LIMCH1: variants seen among roughly 807,000 people sequenced by gnomAD.
LIMCH1 encodes the protein LIM and calponin homology domains-containing protein 1.
Under a neutral mutation model 176.5 loss-of-function variants are expected in LIMCH1, and 113 were observed. That is an observed-to-expected ratio of 0.64 (90% CI 0.55 to 0.75). The LOEUF (loss-of-function observed/expected upper bound fraction) is 0.75. Among genes scored for constraint, LIMCH1 ranks in the 30% least tolerant of loss-of-function variants. The pLI, the probability that LIMCH1 is intolerant of heterozygous loss-of-function variation, is 0.00. For missense variants in LIMCH1, 1,674 were observed against 1,814.9 expected (o/e 0.92, Z 1.41); for synonymous variants, 619 against 645.9 (o/e 0.96, Z 0.63).
In LIMCH1 at chr4:41,662,937, C is replaced by T. The variant is rs764329191; in HGVS notation, c.3244C>T (p.Pro1082Ser). ...GTCGGAAGAAAAAGACCAGAAGAAACCAGAAAATGAAATGAGTGGAAAGGT... is the reference window on the plus strand; with the variant it reads ...GTCGGAAGAAAAAGACCAGAAGAAATCAGAAAATGAAATGAGTGGAAAGGT... ...DVSEEKDQKK[P>S]ENEMSGKVEL... Residue 1082 changes from proline (P) to serine (S), a missense_variant, in exon 20 of 32, where the codon CCA becomes TCA. Physicochemically the swap from Pro to Ser is moderately conservative, Grantham distance 74 (BLOSUM62 -1). Around this residue, in one of 3 missense-constraint regions of LIMCH1, gnomAD observed 1,015 missense variants for 1,102.5 expected, o/e 0.92. Transcript: ENST00000503057. 1 of 1,613,882 alleles carries T rather than the reference C, an allele frequency of 6.2e-7. No homozygotes were observed.
At chr4:41,678,161 C>A (rs1006239821) in intron 23 of LIMCH1, among the ~76,000 whole-genome samples, 13 of 152,058 alleles carry the variant, frequency 8.5e-5, no homozygotes, top group African/African-American at 2.4e-4. Flanking sequence ...GTTCATCTCC[C>A]ACTTATGAGT....
chr4:41,425,425 C>T (rs980112635), intron 1 of LIMCH1, among the ~76,000 whole-genome samples: 3 of 152,212 alleles, frequency 2.0e-5, no homozygotes, highest in African/African-American at 7.2e-5. Context: ...CTGCCCACTG[C>T]AACCCCCGCC....
chr4:41,660,834 T>G (rs185150442), intron 18 of LIMCH1, among the ~76,000 whole-genome samples: 1 of 152,140 alleles, frequency 6.6e-6, no homozygotes, highest in African/African-American at 2.4e-5. Flanking sequence ...TTGAAATCTT[T>G]CAGAATGACC....
chr4:41,606,892 A>G (rs551876019), intron 4 of LIMCH1, among the ~76,000 whole-genome samples: 1 of 152,254 alleles, frequency 6.6e-6, no homozygotes, highest in South Asian at 2.1e-4. Flanking sequence ...TCCGCCTCCC[A>G]GATTCAAGTG....
At chr4:41,625,085 G>A (rs1355854938) in intron 7 of LIMCH1, among the ~76,000 whole-genome samples, 1 of 152,168 alleles carries the variant, frequency 6.6e-6, no homozygotes, top group Non-Finnish European at 1.5e-5. Context: ...ACCTCCTCAT[G>A]AATATAAAGC....
At chr4:41,493,834 C>T (rs997359066) in intron 1 of LIMCH1, among the ~76,000 whole-genome samples, 18 of 152,214 alleles carry the variant, frequency 1.2e-4, no homozygotes, top group African/African-American at 1.9e-4. Flanking sequence ...CCTGTGCTGT[C>T]AGACAATTAT....
chr4:41,481,002 C>T (rs530060712), intron 1 of LIMCH1, among the ~76,000 whole-genome samples: 6 of 151,942 alleles, frequency 3.9e-5, no homozygotes, highest in South Asian at 4.2e-4. Context: ...TTTTGAGCAT[C>T]GGCTGTATTC....
chr4:41,484,509 C>T (rs2069184728), intron 1 of LIMCH1, among the ~76,000 whole-genome samples: 1 of 152,166 alleles, frequency 6.6e-6, no homozygotes, highest in Non-Finnish European at 1.5e-5. Context: ...AAATTTTGTT[C>T]TGCTTTATTT....
chr4:41,658,014 C>G (rs978543208), intron 18 of LIMCH1, among the ~76,000 whole-genome samples: 33 of 152,166 alleles, frequency 2.2e-4, no homozygotes, highest in African/African-American at 7.7e-4. Context: ...GTATCAAAAC[C>G]TCTCAATACT....
intron 1 of LIMCH1, among the ~76,000 whole-genome samples, chr4:41,426,017 C>CTTTTTTTTTTT (rs913325890): frequency 9.7e-6 from 1 of 102,884 alleles, no homozygotes; most frequent in Non-Finnish European, 1.9e-5. Flanking sequence ...TGAAAAGATT[C>CTTTTTTTTTTT]TTTTTTTTTT....
chr4:41,490,425 A>G (rs2070577645), intron 1 of LIMCH1, among the ~76,000 whole-genome samples: 1 of 152,136 alleles, frequency 6.6e-6, no homozygotes, highest in East Asian at 1.9e-4. Context: ...AGGACCCTGC[A>G]GCCTTCGGCC....
intron 8 of LIMCH1, among the ~76,000 whole-genome samples, chr4:41,628,689 T>A (rs1169359718): frequency 6.6e-6 from 1 of 152,158 alleles, no homozygotes; most frequent in Non-Finnish European, 1.5e-5. Context: ...AATGGAATAT[T>A]TATATATATA....
intron 1 of LIMCH1, among the ~76,000 whole-genome samples, chr4:41,459,176 A>G (rs1001362926): frequency 6.6e-6 from 1 of 152,192 alleles, no homozygotes; most frequent in African/African-American, 2.4e-5. Flanking sequence ...CAGTAATTAC[A>G]AGGATAAAGA....
intron 1 of LIMCH1, among the ~76,000 whole-genome samples, chr4:41,558,113 C>T (rs886508114): frequency 1.8e-4 from 27 of 151,970 alleles, no homozygotes; most frequent in African/African-American, 6.5e-4. Flanking sequence ...AAAGCTGCTC[C>T]GTATACATCA....
intron 1 of LIMCH1, among the ~76,000 whole-genome samples, chr4:41,541,468 A>C (rs2078638124): frequency 6.6e-6 from 1 of 152,212 alleles, no homozygotes; most frequent in South Asian, 2.1e-4. Flanking sequence ...TCTGTGAAAC[A>C]TTCTATTTTA....
intron 2 of LIMCH1, among the ~76,000 whole-genome samples, chr4:41,496,355 G>A (rs1241774152): frequency 1.3e-5 from 2 of 152,164 alleles, no homozygotes; most frequent in Non-Finnish European, 2.9e-5. Flanking sequence ...GAGGACTAGG[G>A]ATCAAGCTCT....
At chr4:41,676,515 T>C in intron 23 of LIMCH1, 53 bp downstream of exon 23, 1 of 1,273,140 alleles carries the variant, frequency 7.9e-7, no homozygotes. Flanking sequence ...CCTCTTGCTT[T>C]CCATTGCATT....
rs973937287 is a variant in LIMCH1, at chr4:41,631,324, A to G, written c.1448A>G (p.Lys483Arg). 6 of 1,536,048 alleles carry G rather than the reference A, an allele frequency of 3.9e-6. No homozygotes were observed. The highest frequency in any genetic ancestry group is 2.7e-5 in the African/African-American group (2 of 73,054). Residue 483 changes from lysine to arginine, a missense_variant, in exon 10 of 32, where the codon AAG (lysine) becomes AGG (arginine). Around this residue, in one of 3 missense-constraint regions of LIMCH1, gnomAD observed 655 missense variants for 692.2 expected, o/e 0.95. Transcript: ENST00000503057. ...PVTELDQQKWKRLSIGKAGPR... is the reference protein window; with the variant it reads ...PVTELDQQKWRRLSIGKAGPR... ...ACGGAGCTAGATCAGCAGAAATGGA[A>G]GCGGCTTAGCATTGGCAAGGCTGGG...
chr4:41,549,094 TG>T (rs1341939039), intron 1 of LIMCH1, among the ~76,000 whole-genome samples: 1 of 151,954 alleles, frequency 6.6e-6, no homozygotes. Flanking sequence ...CTCACTATGT[TG>T]CCTGGGCTGG....
Sources: gnomAD v4.1 joint callset for allele counts (sites outside exome capture counted in the v4.1 genomes callset) on GRCh38, gnomAD v4.1.1 for gene constraint, gnomAD v4.1.1 regional missense constraint, MANE v1.5 for transcripts, NCBI Gene and HGNC (gene_info 2026-07-23, HGNC 2026-07-21) for gene names.